RBBP8NL: variants seen among roughly 807,000 people sequenced by gnomAD.
The protein encoded by RBBP8NL is RBBP8 N-terminal like.
RBBP8NL carries 59 observed loss-of-function variants against 62.2 expected under a neutral mutation model. The observed-to-expected ratio is 0.95, with a 90% CI of 0.77 to 1.18. The LOEUF (loss-of-function observed/expected upper bound fraction) is 1.18, where lower values mean the gene tolerates loss of function less well. RBBP8NL is among the 50% of genes most tolerant of loss of function. The pLI is 0.00. For missense variants in RBBP8NL, 896 were observed against 899.5 expected (o/e 1.00, Z 0.05); for synonymous variants, 412 against 394.1 (o/e 1.05, Z -0.54).
At chr20:62,411,068 G>GTGAGA in intron 13 of RBBP8NL, 72 bp from the exon 14 acceptor site, 4 of 979,796 alleles carry the variant, frequency 4.1e-6, no homozygotes, top group Non-Finnish European at 6.4e-6. Context: ...TCTCACCTAG[G>GTGAGA]GCCTCCTGGG....
chr20:62,410,603 C>G lies in RBBP8NL; in HGVS notation c.*275G>C, dbSNP rs1415640086. 15 of 472,356 alleles carry G rather than the reference C, an allele frequency of 3.2e-5. No homozygotes were observed. The highest frequency in any genetic ancestry group is 3.7e-6 in the Non-Finnish European group (1 of 267,510). The allele number at this position is 472,356 out of a possible 1,614,324, so 29.3% of individuals were successfully genotyped here. A position where few individuals can be genotyped will look rare whatever the true frequency, so the allele number is the denominator to read the frequency against. On this transcript the variant is annotated 3_prime_UTR_variant, in exon 14 of 14. Transcript: ENST00000252998. ...GGGGTGAATCGCCAGCCTGAGACCC[C>G]TCTCGGTCCTCCAGCCCCTCTTGAA...
chr20:62,411,648 T>C (rs992058272), intron 13 of RBBP8NL, among the ~76,000 whole-genome samples: 2 of 152,266 alleles, frequency 1.3e-5, no homozygotes, highest in African/African-American at 4.8e-5. Flanking sequence ...GCTCTGGCGC[T>C]GAGCTGTGCT....
At chr20:62,425,741 G>C (rs183014892) in intron 1 of RBBP8NL, among the ~76,000 whole-genome samples, 1 of 152,240 alleles carries the variant, frequency 6.6e-6, no homozygotes, top group East Asian at 1.9e-4. Flanking sequence ...CCCAGCCACC[G>C]ACCCCCAGCA....
Position 62,414,165 on chromosome 20 carries a change from C to T in RBBP8NL, c.1186G>A (p.Gly396Ser), listed in dbSNP as rs756964797. 1.8e-5 allele frequency: 29 copies of T among 1,608,712 alleles called. 1 individual carries two copies. In the South Asian group the frequency reaches 2.9e-4, roughly 16 times the overall value. ...PSLPVGSDSE[G>S]PENEGTRAAL... ...GCCCTGGTCCCCTCATTCTCAGGGC[C>T]CTCAGAGTCTGAGCCGACTGGTAGG... Residue 396 changes from glycine (G) to serine (S), a missense_variant, in exon 10 of 14, where the codon GGC becomes AGC. Physicochemically the swap from Gly to Ser is moderately conservative, Grantham distance 56. Transcript: ENST00000252998.
rs1174708373 is a variant in RBBP8NL, at chr20:62,416,660, G to A, written c.313+100C>T. 25 of 779,850 alleles carry A rather than the reference G, an allele frequency of 3.2e-5. No individual in the cohort carries two copies. The Middle Eastern group carries it at 6.9e-4, about 22-fold the overall frequency. 48.3% of individuals were successfully genotyped at this position (779,850 alleles called of 1,614,324 possible). A position where few individuals can be genotyped will look rare whatever the true frequency, so the allele number is the denominator to read the frequency against. On this transcript the variant is annotated intron_variant, in intron 5 of 13. Transcript: ENST00000252998. ...TTCCCCCAGTGGTGTGGGGCCGATC[G>A]TCCTGCCTCCTTTCCCCATGCCCCT...
intron 10 of RBBP8NL, 59 bp downstream of exon 10, chr20:62,413,762 C>A: frequency 6.6e-7 from 1 of 1,519,650 alleles, no homozygotes; most frequent in Non-Finnish European, 8.8e-7. Context: ...GGGAGGCCGG[C>A]CCGGGGTGGG....
intron 1 of RBBP8NL, among the ~76,000 whole-genome samples, chr20:62,426,718 CCG>C (rs1988816793): frequency 6.6e-6 from 1 of 152,254 alleles, no homozygotes; most frequent in Non-Finnish European, 1.5e-5. Flanking sequence ...TGTGCACACA[CCG>C]CCGCAGGGCC....
At chr20:62,424,938 G>A (rs367657758) in intron 1 of RBBP8NL, among the ~76,000 whole-genome samples, 139 of 150,518 alleles carry the variant, frequency 9.2e-4, no homozygotes, top group African/African-American at 3.0e-3. Context: ...TTCCTGAAGG[G>A]TGCTGGCTGG....
Position 62,419,658 on chromosome 20 carries a change from G to A in RBBP8NL, c.-11C>T, listed in dbSNP as rs773641477. On this transcript the variant is annotated 5_prime_UTR_variant, in exon 2 of 14. Coordinates refer to ENST00000252998, the MANE Select transcript of RBBP8NL (RefSeq NM_080833.3). ...CATGAAGCTCTCCATGGCTCCCTGT[G>A]GCCCTGGCCCGGGCCCCTCTGCGCT... is the stretch of plus-strand genomic sequence containing the variant. 3.1e-6 allele frequency: 5 copies of A among 1,612,666 alleles called. No individual in the cohort carries two copies. The South Asian group carries it at 3.3e-5, about 11-fold the overall frequency.
intron 2 of RBBP8NL, 132 bp from the exon 3 acceptor site, chr20:62,418,597 A>G: frequency 2.2e-6 from 2 of 912,474 alleles, no homozygotes; most frequent in Non-Finnish European, 3.5e-6. Context: ...GAGCCCTGCC[A>G]GGTGAGCCCC....
Position 62,419,750 on chromosome 20 carries a change from G to T in RBBP8NL, c.-83-20C>A. On this transcript the variant is annotated intron_variant, in intron 1 of 13. Transcript: ENST00000252998. ...TCCATCCTGAAGAGGAGGAAGAGGG[G>T]ACAGGGATCCGCTCAGGAAGGGCTT... 1 of 1,294,126 alleles carries T rather than the reference G, an allele frequency of 7.7e-7. No homozygotes were observed. Among genetic ancestry groups the T allele is most frequent in the African/African-American group, 1.5e-5 (1 of 67,520 alleles). 80.2% of individuals were successfully genotyped at this position (1,294,126 alleles called of 1,614,324 possible).
At chr20:62,422,502 TGGACCCCGAGAGAGGCCTTG>T (rs1266522175) in intron 1 of RBBP8NL, among the ~76,000 whole-genome samples, 3 of 84,634 alleles carry the variant, frequency 3.5e-5, no homozygotes, top group African/African-American at 4.7e-5. Context: ...TGGCAGGCCT[TGGACCCCGAGAGAGGCCTTG>T]GGACCCCGAG....
chr20:62,412,643 G>T lies in RBBP8NL; in HGVS notation c.1857C>A (p.Ala619=). Residue 619 remains alanine (A), a synonymous_variant, in exon 13 of 14, where the codon GCC becomes GCA. Transcript: ENST00000252998. ...GQGPPRKRKR[A]SEPGDKASKK... is the part of the protein sequence containing the mutation. ...CTGTACCTTTGTCCCCAGGCTCCGA[G>T]GCCCGCTTCCTCTTCCGTGGTGGAC... 6.2e-7 allele frequency: 1 copy of T among 1,606,022 alleles called. No homozygotes were observed.
chr20:62,413,014 A>G, intron 11 of RBBP8NL, 114 bp from the exon 12 acceptor site: 1 of 1,231,330 alleles, frequency 8.1e-7, no homozygotes, highest in Non-Finnish European at 1.2e-6. Flanking sequence ...TGAGGCACGG[A>G]GGGCCAAGTG....
chr20:62,414,389 T>C lies in RBBP8NL; in HGVS notation c.962A>G (p.Asp321Gly). 6.5e-7 allele frequency: 1 copy of C among 1,540,024 alleles called. No homozygotes were observed. Among genetic ancestry groups the C allele is most frequent in the African/African-American group, 1.4e-5 (1 of 73,618 alleles). The change falls in exon 10 of 14, where the codon GAC becomes GGC. Residue 321 changes from aspartate to glycine, a missense_variant. By Grantham distance (94) the Asp-to-Gly change is moderately conservative. Coordinates refer to ENST00000252998, the MANE Select transcript of RBBP8NL (RefSeq NM_080833.3). The stretch of plus-strand genomic sequence containing the variant: ...GGCCTCTGCTTCTCTGGCCTTCAGG[T>C]CCTGGAGCCGGGGGTCGCTGGGGGC... ...AAAPSDPRLQ[D>G]LKAREAEAWE...
rs537323540 is a variant in RBBP8NL at position 62,425,818 on chromosome 20, G to T, written c.-84+1642C>A. 2.6e-5 allele frequency among the ~76,000 whole-genome samples: 4 copies of T among 152,392 alleles called. No individual in the cohort carries two copies. In the South Asian group the frequency reaches 8.3e-4, roughly 32 times the overall value. ...TCCGTCTCTGAGGCCTGGGCTGTCTGTATGTCCATCTGACTGACTGCCCAC... is the reference window on the plus strand; with the variant it reads ...TCCGTCTCTGAGGCCTGGGCTGTCTTTATGTCCATCTGACTGACTGCCCAC... On this transcript the variant is annotated intron_variant, in intron 1 of 13. Transcript: ENST00000252998.
rs551678730 is a variant in RBBP8NL, at chr20:62,415,174, G to A, written c.741C>T (p.Pro247=). 31 of 1,522,816 alleles carry A rather than the reference G, an allele frequency of 2.0e-5. No homozygotes were observed. The Admixed American group carries it at 3.1e-4, about 15-fold the overall frequency. The allele number at this position is 1,522,816 out of a possible 1,614,324, so 94.3% of individuals were successfully genotyped here. The stretch of plus-strand genomic sequence containing the variant: ...CTGGGCTGGGTGGGCTGCTCCTGGC[G>A]GGCAGTGGTGGGGGCGTCCCATTGG... ...GPANGTPPPL[P]ARSSPPSPAY... The change falls in exon 9 of 14, where the codon CCC becomes CCT. Residue 247 remains proline (P), a synonymous_variant. Transcript: ENST00000252998.
intron 1 of RBBP8NL, among the ~76,000 whole-genome samples, chr20:62,424,961 G>T (rs1416594621): frequency 1.3e-5 from 1 of 78,662 alleles, no homozygotes; most frequent in South Asian, 6.4e-4. Flanking sequence ...AGTCAGTCTG[G>T]GCGGAGGGTA....
rs1278516702 is a variant in RBBP8NL, at chr20:62,410,259, C to T, written c.*619G>A. 2 of 152,800 alleles carry T rather than the reference C, an allele frequency of 1.3e-5. No homozygotes were observed. The highest frequency in any genetic ancestry group is 2.4e-5 in the African/African-American group (1 of 41,458). 9.5% of individuals were successfully genotyped at this position (152,800 alleles called of 1,614,324 possible). A position where few individuals can be genotyped will look rare whatever the true frequency, so the allele number is the denominator to read the frequency against. On this transcript the variant is annotated 3_prime_UTR_variant, in exon 14 of 14. Transcript: ENST00000252998. Reference sequence around the variant, plus strand: ...ATGCACGGTTCTTCAAGTGTTTATTCTCCGTCACTCAGGGGACCCGGTCTT... The same window carrying T: ...ATGCACGGTTCTTCAAGTGTTTATTTTCCGTCACTCAGGGGACCCGGTCTT...
Sources: gnomAD v4.1 joint callset for allele counts (sites outside exome capture counted in the v4.1 genomes callset) on GRCh38, gnomAD v4.1.1 for gene constraint, MANE v1.5 for transcripts, NCBI Gene and HGNC (gene_info 2026-07-23, HGNC 2026-07-21) for gene names.